Variants in TTYH2 observed in about 807,000 individuals in gnomAD.
TTYH2 encodes the protein tweety family member 2, also known as protein tweety homolog 2.
A neutral mutation model predicts 68.3 loss-of-function variants in TTYH2; 49 were observed. The observed-to-expected ratio is 0.72, with a 90% CI of 0.57 to 0.91. The LOEUF is 0.91. Ranked by LOEUF, TTYH2 falls within the 40% of genes least tolerant of loss-of-function variation. The pLI, the probability that TTYH2 is intolerant of heterozygous loss-of-function variation, is 0.00. For missense variants in TTYH2, 631 were observed against 700.4 expected, an observed-to-expected ratio of 0.90 and a Z score of 1.12; for synonymous variants, 272 against 300.8, an observed-to-expected ratio of 0.90 and a Z score of 0.99.
intron 1 of TTYH2, among the ~76,000 whole-genome samples, chr17:74,220,241 C>T (rs539074661): frequency 1.4e-4 from 22 of 152,334 alleles, no homozygotes; most frequent in Non-Finnish European, 1.6e-4. Flanking sequence ...TTTCTATCCA[C>T]TCCTCACTCA....
At chr17:74,231,458 G>T (rs1163164424) in intron 3 of TTYH2, among the ~76,000 whole-genome samples, 1 of 152,136 alleles carries the variant, frequency 6.6e-6, no homozygotes, top group African/African-American at 2.4e-5. Flanking sequence ...CTTTGAGGGA[G>T]GCCAAGGCAT....
chr17:74,218,704 A>G (rs1285743574), intron 1 of TTYH2, among the ~76,000 whole-genome samples: 1 of 152,174 alleles, frequency 6.6e-6, no homozygotes, highest in East Asian at 1.9e-4. Flanking sequence ...AGGAGGCTTG[A>G]GAGAGTGAAA....
chr17:74,234,266 T>A (rs1450999327), intron 3 of TTYH2, among the ~76,000 whole-genome samples: 1 of 152,202 alleles, frequency 6.6e-6, no homozygotes, highest in Non-Finnish European at 1.5e-5. Flanking sequence ...TGCTCTTTCC[T>A]CTAGACCGTG....
chr17:74,238,883 A>T (rs531043009), intron 4 of TTYH2, among the ~76,000 whole-genome samples: 67 of 134,440 alleles, frequency 5.0e-4, no homozygotes, highest in Middle Eastern at 3.7e-3. Context: ...AAAAAAAAAA[A>T]TTTTTTTTTA....
At chr17:74,246,168 G>C (rs2050555837) in intron 6 of TTYH2, among the ~76,000 whole-genome samples, 1 of 152,134 alleles carries the variant, frequency 6.6e-6, no homozygotes, top group South Asian at 2.1e-4. Context: ...CAAGTGCTTT[G>C]GCCACCGAGC....
At chr17:74,221,714 G>A (rs1412995214) in intron 1 of TTYH2, among the ~76,000 whole-genome samples, 1 of 152,178 alleles carries the variant, frequency 6.6e-6, no homozygotes, top group Non-Finnish European at 1.5e-5. Context: ...CGAGGTGCTA[G>A]GCAGGCCTCA....
In TTYH2 at chr17:74,241,262, C is replaced by T. The variant is rs923245220; in HGVS notation, c.636-2112C>T. Among the ~76,000 whole-genome samples, 5 of 144,688 alleles carry T rather than the reference C, an allele frequency of 3.5e-5. No individual in the cohort carries two copies. The highest frequency in any genetic ancestry group is 2.1e-4 in the Admixed American group (3 of 14,316). The allele number at this position is 144,688 out of a possible 152,430, so 94.9% of individuals were successfully genotyped here. ...ATAGACAGACCCGGTATTTATAATA[C>T]GTGTGTGTGTGTGTGTGTGTGTGTG... On this transcript the variant is annotated intron_variant, in intron 4 of 13. Coordinates refer to ENST00000269346, the MANE Select transcript of TTYH2 (RefSeq NM_032646.6). This position sits in a 1 kb window ranked among gnomAD's most constrained non-coding sequence, Gnocchi z 4.1.
chr17:74,234,355 C>T (rs577267893), intron 3 of TTYH2, among the ~76,000 whole-genome samples: 60 of 152,346 alleles, frequency 3.9e-4, no homozygotes, highest in Non-Finnish European at 7.6e-4. Context: ...CAGAGCTTTC[C>T]GTGAGAGAGA....
At chr17:74,224,272 A>G (rs1323180817) in intron 2 of TTYH2, among the ~76,000 whole-genome samples, 2 of 152,154 alleles carry the variant, frequency 1.3e-5, no homozygotes, top group South Asian at 2.1e-4. Context: ...ATGGTAGTGC[A>G]TGCTTGTAGT....
Position 74,222,606 on chromosome 17 carries a change from A to G in TTYH2, c.251A>G (p.His84Arg). 6.2e-7 allele frequency: 1 copy of G among 1,611,976 alleles called. No individual in the cohort carries two copies. The change falls in exon 2 of 14, where the codon CAC becomes CGC. Residue 84 changes from histidine (H) to arginine (R), a missense_variant. Physicochemically the swap from His to Arg is conservative, Grantham distance 29. Transcript: ENST00000269346. The surrounding 1 kb of genome is among the most constrained non-coding windows in gnomAD (Gnocchi z 5.2). ...RRDDAVQTKQ[H>R]HSCCITWTAV... ...GACGATGCGGTGCAGACCAAGCAGCACCACTCCTGCTGCATCACCTGGACG... is the reference window on the plus strand; with the variant it reads ...GACGATGCGGTGCAGACCAAGCAGCGCCACTCCTGCTGCATCACCTGGACG...
rs199845337 is a variant in TTYH2, at chr17:74,249,985, C to T, written c.980C>T (p.Ala327Val). 2.7e-5 allele frequency: 43 copies of T among 1,614,016 alleles called. No homozygotes were observed. Among genetic ancestry groups the T allele is most frequent in the African/African-American group, 2.1e-4 (16 of 74,906 alleles). The change falls in exon 9 of 14, where the codon GCG (alanine) becomes GTG (valine). Residue 327 changes from alanine (A) to valine (V), a missense_variant. Physicochemically the swap from Ala to Val is moderately conservative, Grantham distance 64 (BLOSUM62 0). Transcript: ENST00000269346. ...RALTTMQIQVAGLLQFAVPLF... is the reference protein window; with the variant it reads ...RALTTMQIQVVGLLQFAVPLF... Reference sequence around the variant, plus strand: ...CTTACCACCATGCAGATCCAGGTCGCGGGGCTGCTGCAGTTTGCCGTGCCC... The same window carrying T: ...CTTACCACCATGCAGATCCAGGTCGTGGGGCTGCTGCAGTTTGCCGTGCCC...
chr17:74,253,539 T>C (rs9907720), intron 12 of TTYH2, among the ~76,000 whole-genome samples: 63,239 of 151,946 alleles, frequency 0.42, 13,823 homozygotes, highest in African/African-American at 0.53. Context: ...CTCCAGGCCA[T>C]GCTGCTCCCA....
At chr17:74,246,649 C>T (rs964286152) in intron 6 of TTYH2, among the ~76,000 whole-genome samples, 1 of 152,192 alleles carries the variant, frequency 6.6e-6, no homozygotes, top group Non-Finnish European at 1.5e-5. Flanking sequence ...CCTCTCCTGC[C>T]ATCCCTATCA....
chr17:74,253,115 C>T lies in TTYH2; in HGVS notation c.1294C>T (p.Pro432Ser), dbSNP rs1349455731. 1.2e-6 allele frequency: 2 copies of T among 1,613,562 alleles called. No homozygotes were observed. Among genetic ancestry groups the T allele is most frequent in the Non-Finnish European group, 1.7e-6 (2 of 1,179,832 alleles). Residue 432 changes from proline (P) to serine (S), a missense_variant, in exon 12 of 14, where the codon CCC becomes TCC. By Grantham distance (74) the Pro-to-Ser change is moderately conservative. Coordinates refer to ENST00000269346, the MANE Select transcript of TTYH2 (RefSeq NM_032646.6). Reference sequence around the variant, plus strand: ...CTACGATGACATTGATGATGATGACCCCTTTAACCCCCAAGCCTGGCGCAT... The same window carrying T: ...CTACGATGACATTGATGATGATGACTCCTTTAACCCCCAAGCCTGGCGCAT... Reference protein sequence around the residue: ...RDYDDIDDDDPFNPQAWRMAA... With the variant: ...RDYDDIDDDDSFNPQAWRMAA...
chr17:74,230,838 A>G (rs2050380718), intron 2 of TTYH2, 50 bp from the exon 3 acceptor site: 2 of 1,585,794 alleles, frequency 1.3e-6, no homozygotes, highest in African/African-American at 1.3e-5. Context: ...ATAAGCAAAC[A>G]TTCTCCTCTG....
intron 4 of TTYH2, among the ~76,000 whole-genome samples, chr17:74,237,954 C>T (rs2050460680): frequency 6.6e-6 from 1 of 152,148 alleles, no homozygotes; most frequent in Non-Finnish European, 1.5e-5. Context: ...CTTGATAAGC[C>T]ATTGGCCAAA....
intron 4 of TTYH2, among the ~76,000 whole-genome samples, chr17:74,243,168 G>A (rs80151630): frequency 0.011 from 1,746 of 152,278 alleles, 33 homozygotes; most frequent in African/African-American, 0.04. Context: ...GGCAGGGGGT[G>A]TGAATTGACA....
Position 74,249,440 on chromosome 17 carries a change from G to A in TTYH2, c.930+41G>A, listed in dbSNP as rs199629185. 2.7e-4 allele frequency: 430 copies of A among 1,605,128 alleles called. 2 individuals are homozygous for A. In the East Asian group the frequency reaches 5.7e-3, roughly 21 times the overall value. ...GCCTGCCCTCACCCTGCCCACAGCC[G>A]CTCCCCCTTGACCCTAAGCCTCACC... On this transcript the variant is annotated intron_variant, in intron 8 of 13. Coordinates refer to ENST00000269346, the MANE Select transcript of TTYH2 (RefSeq NM_032646.6).
intron 1 of TTYH2, among the ~76,000 whole-genome samples, chr17:74,219,106 A>C (rs2050249648): frequency 6.6e-6 from 1 of 151,952 alleles, no homozygotes; most frequent in South Asian, 2.1e-4. Flanking sequence ...AATCCCAGCT[A>C]CTCAGGAGGC....
Sources: gnomAD v4.1 joint callset for allele counts (sites outside exome capture counted in the v4.1 genomes callset) on GRCh38, gnomAD v4.1.1 for gene constraint, Gnocchi (gnomAD v3.1) non-coding constraint, MANE v1.5 for transcripts, NCBI Gene and HGNC (gene_info 2026-07-23, HGNC 2026-07-21) for gene names.